Variants in ABCC10 observed in about 807,000 individuals in gnomAD.
The protein encoded by ABCC10 is ATP-binding cassette sub-family C member 10.
In ABCC10, 110 loss-of-function variants were observed where a neutral mutation model predicts 143.2. The observed-to-expected ratio is 0.77, with a 90% confidence interval of 0.66 to 0.90. The LOEUF (loss-of-function observed/expected upper bound fraction) is 0.90. Ranked by LOEUF, ABCC10 falls within the 40% of genes least tolerant of loss-of-function variation. The probability of loss-of-function intolerance (pLI) is 0.00; values close to 1 mark genes in which losing one functional copy is unlikely to be tolerated. For missense variants in ABCC10, 1,700 were observed against 1,900.5 expected, an observed-to-expected ratio of 0.89 and a Z score of 1.96; for synonymous variants, 805 against 846.7, an observed-to-expected ratio of 0.95 and a Z score of 0.85.
rs768778015 is a variant in ABCC10, at chr6:43,432,634, G to A, written c.654G>A (p.Glu218=). ...DQEPEVAEDG[E]SWLSRFSYAW... is the part of the protein sequence containing the mutation. Reference sequence around the variant, plus strand: ...AACCTGAGGTGGCTGAAGATGGGGAGAGTTGGCTGTCACGCTTTTCCTATG... The same window carrying A: ...AACCTGAGGTGGCTGAAGATGGGGAAAGTTGGCTGTCACGCTTTTCCTATG... The change falls in exon 3 of 22, where the codon GAG becomes GAA. Residue 218 remains glutamate, a synonymous_variant. Coordinates refer to ENST00000372530, the MANE Select transcript of ABCC10 (RefSeq NM_001198934.2). The A allele has an allele frequency of 3.1e-6, 5 of 1,613,928 alleles. 1 individual carries two copies. The highest frequency in any genetic ancestry group is 3.3e-5 in the Admixed American group (2 of 60,032).
intron 16 of ABCC10, chr6:43,446,702 C>T: frequency 1.0e-6 from 1 of 985,312 alleles, no homozygotes; most frequent in Non-Finnish European, 1.2e-6. Context: ...CCTGCTTCCA[C>T]CCCGTCCCCA....
In ABCC10 at chr6:43,436,261, A is replaced by T; in HGVS notation, c.1875+14A>T. Reference sequence around the variant, plus strand: ...GAAGTGAAAAAGGTTTGTTGGACAGACACCCTGGGAGAGTCCTCAGACTAA... The same window carrying T: ...GAAGTGAAAAAGGTTTGTTGGACAGTCACCCTGGGAGAGTCCTCAGACTAA... On this transcript the variant is annotated intron_variant, in intron 6 of 21. Coordinates refer to ENST00000372530, the MANE Select transcript of ABCC10 (RefSeq NM_001198934.2). 1 of 1,612,750 alleles carries T rather than the reference A, an allele frequency of 6.2e-7. No individual in the cohort carries two copies. Among genetic ancestry groups the T allele is most frequent in the Non-Finnish European group, 8.5e-7 (1 of 1,179,686 alleles).
intron 15 of ABCC10, 147 bp downstream of exon 15, chr6:43,446,089 A>G: frequency 8.5e-7 from 1 of 1,172,706 alleles, no homozygotes; most frequent in Non-Finnish European, 1.2e-6. Flanking sequence ...AGAAGGAGAT[A>G]GGGAGGCAGA....
chr6:43,437,997 G>A lies in ABCC10; in HGVS notation c.1939G>A (p.Ala647Thr), dbSNP rs759665986. ...GAAGAGCTCCCTGCTGGCTGCCATC[G>A]CTGGAGAGCTCCACAGGTAACCAAC... ...CGKSSLLAAI[A>T]GELHRLRGHV... Residue 647 changes from alanine to threonine, a missense_variant, in exon 7 of 22, where the codon GCT becomes ACT. Coordinates refer to ENST00000372530, the MANE Select transcript of ABCC10 (RefSeq NM_001198934.2). 15 of 1,612,466 alleles carry A rather than the reference G, an allele frequency of 9.3e-6. No individual in the cohort carries two copies. In the Admixed American group the frequency reaches 1.3e-4, roughly 14 times the overall value.
chr6:43,431,270 G>A (rs1781090366), intron 2 of ABCC10, among the ~76,000 whole-genome samples: 1 of 152,184 alleles, frequency 6.6e-6, no homozygotes, highest in South Asian at 2.1e-4. Context: ...TCATTTAATA[G>A]TGCTTCAGGT....
rs371130474 is a variant in ABCC10, at chr6:43,445,186, C to T, written c.2902C>T (p.Leu968Phe). 4 of 1,614,012 alleles carry T rather than the reference C, an allele frequency of 2.5e-6. No individual in the cohort carries two copies. The African/African-American group carries it at 5.3e-5, about 22-fold the overall frequency. The change falls in exon 14 of 22, where the codon CTC (leucine) becomes TTC (phenylalanine). Residue 968 changes from leucine (L) to phenylalanine (F), a missense_variant. By Grantham distance (22) the Leu-to-Phe change is conservative (BLOSUM62 0). Coordinates refer to ENST00000372530, the MANE Select transcript of ABCC10 (RefSeq NM_001198934.2). The stretch of plus-strand genomic sequence containing the variant: ...TGGCTCCTCAGACATCCGTTTCTAC[C>T]TCACCGTGTATGCGACCATTGCTGG... Reference protein sequence around the residue: ...PNGSSDIRFYLTVYATIAGVN... With the variant: ...PNGSSDIRFYFTVYATIAGVN...
rs765434486 is a variant in ABCC10 at position 43,444,798 on chromosome 6, C to A, written c.2700C>A (p.Asn900Lys). Residue 900 changes from asparagine to lysine, a missense_variant, in exon 13 of 22, where the codon AAC becomes AAA. Coordinates refer to ENST00000372530, the MANE Select transcript of ABCC10 (RefSeq NM_001198934.2). ...FSLLLMQATR[N>K]AADWWLSHWI... is the part of the protein sequence containing the mutation. The stretch of plus-strand genomic sequence containing the variant: ...CCTGTCCCCACCCAGCCACGCGGAA[C>A]GCTGCTGACTGGTGGCTCTCCCACT... The A allele has an allele frequency of 6.3e-7, 1 of 1,598,686 alleles. No individual in the cohort carries two copies. Among genetic ancestry groups the A allele is most frequent in the Admixed American group, 1.8e-5 (1 of 56,418 alleles).
chr6:43,439,652 C>T (rs868122726), intron 8 of ABCC10, among the ~76,000 whole-genome samples: 11 of 152,248 alleles, frequency 7.2e-5, no homozygotes, highest in Middle Eastern at 3.4e-3. Flanking sequence ...GGCACAATCT[C>T]GGCTCACTGC....
chr6:43,447,196 C>T, intron 16 of ABCC10, 52 bp from the exon 17 acceptor site: 1 of 1,585,120 alleles, frequency 6.3e-7, no homozygotes, highest in Non-Finnish European at 8.6e-7. Context: ...GAGTCTCCCA[C>T]AAACGTCCCG....
At position 43,436,184 on chromosome 6, in the gene ABCC10, G is replaced by A; in HGVS notation, c.1812G>A (p.Leu604=). ...PSTVLELHGA[L]FSWDPVGTSL... ...CAGTATTGGAGCTGCATGGAGCCTT[G>A]TTCTCCTGGGACCCAGTTGGAACCA... The change falls in exon 6 of 22, where the codon TTG becomes TTA. Residue 604 remains leucine, a synonymous_variant. Coordinates refer to ENST00000372530, the MANE Select transcript of ABCC10 (RefSeq NM_001198934.2). The A allele has an allele frequency of 2.5e-6, 4 of 1,614,168 alleles. No homozygotes were observed. The highest frequency in any genetic ancestry group is 3.4e-6 in the Non-Finnish European group (4 of 1,180,028).
chr6:43,427,570 T>G lies in ABCC10; in HGVS notation c.-199T>G. 3.3e-6 allele frequency: 1 copy of G among 303,662 alleles called. No individual in the cohort carries two copies. 18.8% of individuals were successfully genotyped at this position (303,662 alleles called of 1,614,324 possible). A position where few individuals can be genotyped will look rare whatever the true frequency, so the allele number is the denominator to read the frequency against. ...TATGGGCGTGGCGAATAGCGCCGGC[T>G]AGGTCTTCCAACCTCTAGGTGGGGT... On this transcript the variant is annotated 5_prime_UTR_variant, in exon 1 of 22. The change abolishes the stop of an existing upstream ORF in the 5' untranslated region. Transcript: ENST00000372530.
In ABCC10 at chr6:43,428,077, G is replaced by C. The variant is rs763991441; in HGVS notation, c.99G>C (p.Val33=). 6.4e-7 allele frequency: 1 copy of C among 1,572,226 alleles called. No individual in the cohort carries two copies. Among genetic ancestry groups the C allele is most frequent in the East Asian group, 2.4e-5 (1 of 42,484 alleles). The part of the protein sequence containing the change: ...DTTGHCFTQL[V]LSALPHALLA... ...CAGGCCACTGCTTCACCCAGCTGGTGCTCAGCGCCCTGCCCCACGCGCTCC... is the reference window on the plus strand; with the variant it reads ...CAGGCCACTGCTTCACCCAGCTGGTCCTCAGCGCCCTGCCCCACGCGCTCC... The change falls in exon 2 of 22, where the codon GTG becomes GTC. Residue 33 remains valine (V), a synonymous_variant. Transcript: ENST00000372530.
chr6:43,447,363 G>A lies in ABCC10; in HGVS notation c.3660G>A (p.Glu1220=). The stretch of plus-strand genomic sequence containing the variant: ...TGGTGAGCGTCGAGCGGCTGGAAGA[G>A]TACACCTGTGACCTGCCCCAGGAAC... ...AMLVSVERLE[E]YTCDLPQEPQ... Residue 1220 remains glutamate, a synonymous_variant, in exon 17 of 22, where the codon GAG becomes GAA. Coordinates refer to ENST00000372530, the MANE Select transcript of ABCC10 (RefSeq NM_001198934.2). 6.2e-7 allele frequency: 1 copy of A among 1,613,178 alleles called. No homozygotes were observed.
intron 1 of ABCC10, 79 bp downstream of exon 1, chr6:43,427,836 T>A (rs777435275): frequency 3.0e-6 from 3 of 991,282 alleles, no homozygotes; most frequent in Non-Finnish European, 1.6e-6. Context: ...ATGGGCGGGG[T>A]CTGGCTTCGG....
intron 15 of ABCC10, 45 bp downstream of exon 15, chr6:43,445,987 G>A: frequency 6.4e-7 from 1 of 1,556,608 alleles, no homozygotes; most frequent in Non-Finnish European, 8.7e-7. Context: ...GGGGGGAGAG[G>A]AAAAGAGAGA....
At chr6:43,444,744 G>GGA (rs1402042497) in intron 12 of ABCC10, 44 bp from the exon 13 acceptor site, 1 of 1,542,220 alleles carries the variant, frequency 6.5e-7, no homozygotes, top group East Asian at 2.3e-5. Flanking sequence ...AATGAACAAG[G>GGA]GAGAGGAGCC....
chr6:43,450,593 C>G (rs745973388), downstream of ABCC10: 1 of 1,592,318 alleles, frequency 6.3e-7, no homozygotes, highest in Non-Finnish European at 8.6e-7. The surrounding 1 kb of genome is among the most constrained non-coding windows in gnomAD (Gnocchi z 4.5). Flanking sequence ...GCAGGGGGAG[C>G]CCTGCTGGCA....
intron 21 of ABCC10, 29 bp from the exon 22 acceptor site, chr6:43,449,900 C>T (rs763446875): frequency 6.2e-7 from 1 of 1,613,266 alleles, no homozygotes; most frequent in East Asian, 2.2e-5. Context: ...GTCCCTCATC[C>T]CCTACACTGA....
intron 2 of ABCC10, among the ~76,000 whole-genome samples, chr6:43,430,006 T>C (rs1286349931): frequency 2.0e-5 from 3 of 152,126 alleles, no homozygotes; most frequent in Non-Finnish European, 2.9e-5. Flanking sequence ...TCTTGAACTC[T>C]TGGGCTCAAG....
Sources: gnomAD v4.1 joint callset for allele counts (sites outside exome capture counted in the v4.1 genomes callset) on GRCh38, gnomAD v4.1.1 for gene constraint, Gnocchi (gnomAD v3.1) non-coding constraint, MANE v1.5 for transcripts, NCBI Gene and HGNC (gene_info 2026-07-23, HGNC 2026-07-21) for gene names.